The following HTT variants were observed in gnomAD, a reference collection of about 807,000 sequenced individuals.
The protein encoded by HTT is huntingtin.
In HTT, 104 loss-of-function variants were observed where a neutral mutation model predicts 362.3. That is an observed-to-expected ratio of 0.29 (90% CI 0.24 to 0.34). The LOEUF is 0.34. Among genes scored for constraint, HTT ranks in the 10% least tolerant of loss-of-function variants. HTT has a pLI of 1.00. For synonymous variants in HTT, 1,577 were observed against 1,548.7 expected (o/e 1.02, Z -0.43); for missense variants, 3,301 against 3,928.6 (o/e 0.84, Z 4.27).
At chr4:3,152,837 A>G (rs1467666003) in intron 26 of HTT, among the ~76,000 whole-genome samples, 1 of 135,604 alleles carries the variant, frequency 7.4e-6, no homozygotes, top group African/African-American at 2.8e-5. Context: ...TTTTTTTAGT[A>G]GAGATGGGTT....
At chr4:3,118,617 G>C (rs1715143031) in intron 8 of HTT, among the ~76,000 whole-genome samples, 1 of 152,240 alleles carries the variant, frequency 6.6e-6, no homozygotes, top group African/African-American at 2.4e-5. Flanking sequence ...CTTTCTCATA[G>C]ATTAGCAAGA....
intron 11 of HTT, 61 bp downstream of exon 11, chr4:3,125,690 C>T (rs1412301926): frequency 1.8e-5 from 23 of 1,246,166 alleles, no homozygotes; most frequent in Non-Finnish European, 2.5e-5. Context: ...ACCCCTTGCC[C>T]TTCCTGCTCG....
intron 40 of HTT, among the ~76,000 whole-genome samples, chr4:3,193,812 A>G (rs1468836101): frequency 6.6e-6 from 1 of 152,234 alleles, no homozygotes; most frequent in Non-Finnish European, 1.5e-5. Context: ...TGTATGAGAC[A>G]GTGCAGGTCT....
At chr4:3,148,273 G>A in intron 26 of HTT, 66 bp downstream of exon 26, 2 of 1,178,822 alleles carry the variant, frequency 1.7e-6, no homozygotes, top group South Asian at 3.2e-5. Flanking sequence ...GACTACCTTT[G>A]TTTAGTAATC....
Position 3,241,576 on chromosome 4 carries a change from G to A in HTT, c.*1517G>A, listed in dbSNP as rs1015627667. The A allele has an allele frequency of 3.3e-5, 5 of 152,320 alleles. No homozygotes were observed. Among genetic ancestry groups the A allele is most frequent in the African/African-American group, 4.8e-5 (2 of 41,470 alleles). 9.4% of individuals were successfully genotyped at this position (152,320 alleles called of 1,614,324 possible). ...AGGTTGGCGACTGTCATGTGGCTTG[G>A]TTTGGTCATGCCCGTCGATGTTTTG... On this transcript the variant is annotated 3_prime_UTR_variant, in exon 67 of 67. Transcript: ENST00000355072.
chr4:3,180,476 C>T, intron 35 of HTT, 39 bp from the exon 36 acceptor site: 4 of 1,505,132 alleles, frequency 2.7e-6, no homozygotes, highest in South Asian at 1.4e-5. Context: ...ATGTAATTTC[C>T]ATGAAATGCC....
chr4:3,111,390 C>T (rs555403440), intron 6 of HTT, among the ~76,000 whole-genome samples: 16 of 152,218 alleles, frequency 1.1e-4, no homozygotes, highest in East Asian at 3.9e-4. Context: ...GCCAGAGTTT[C>T]ACCATGTTGG....
At chr4:3,209,784 A>G (rs1388456112) in intron 46 of HTT, 43 bp from the exon 47 acceptor site, 1 of 1,608,052 alleles carries the variant, frequency 6.2e-7, no homozygotes, top group East Asian at 2.2e-5. Flanking sequence ...GTCCCCTTGA[A>G]CGCCGCCCAT....
chr4:3,139,805 C>T (rs1275105496), intron 21 of HTT, among the ~76,000 whole-genome samples: 4 of 152,224 alleles, frequency 2.6e-5, no homozygotes, highest in Admixed American at 1.3e-4. Flanking sequence ...ATGCAGCTGG[C>T]ATTCAGACCT....
intron 4 of HTT, 28 bp from the exon 5 acceptor site, chr4:3,105,329 T>C (rs369878463): frequency 6.6e-7 from 1 of 1,526,068 alleles, no homozygotes; most frequent in Non-Finnish European, 9.1e-7. Flanking sequence ...ATGTGACTCT[T>C]AATGCAACCC....
chr4:3,190,460 G>A (rs1411114815), intron 40 of HTT, among the ~76,000 whole-genome samples: 1 of 151,872 alleles, frequency 6.6e-6, no homozygotes, highest in Non-Finnish European at 1.5e-5. Flanking sequence ...GTGAAGGTTG[G>A]GCATGGTAGC....
At chr4:3,196,217 A>G (rs1207575746) in intron 40 of HTT, among the ~76,000 whole-genome samples, 2 of 152,034 alleles carry the variant, frequency 1.3e-5, no homozygotes, top group East Asian at 1.9e-4. Flanking sequence ...CCGCAGAGAG[A>G]GTGATGAATC....
intron 6 of HTT, among the ~76,000 whole-genome samples, chr4:3,113,487 G>A (rs565263560): frequency 6.6e-6 from 1 of 152,120 alleles, no homozygotes; most frequent in African/African-American, 2.4e-5. Flanking sequence ...GTACCACCAT[G>A]CCTGGCTAAT....
chr4:3,164,732 A>G (rs1553916397), intron 29 of HTT, among the ~76,000 whole-genome samples: 1 of 152,046 alleles, frequency 6.6e-6, no homozygotes, highest in Non-Finnish European at 1.5e-5. Flanking sequence ...ATCAGAGACT[A>G]GGATTGCAAT....
At chr4:3,205,650 G>A (rs2110268474) in intron 42 of HTT, among the ~76,000 whole-genome samples, 1 of 152,228 alleles carries the variant, frequency 6.6e-6, no homozygotes, top group South Asian at 2.1e-4. Context: ...CAAAGGAAAT[G>A]TTCATTGGAA....
At chr4:3,170,182 GATCTTCTTGAGC>G (rs1717907128) in intron 29 of HTT, among the ~76,000 whole-genome samples, 1 of 152,098 alleles carries the variant, frequency 6.6e-6, no homozygotes, top group Admixed American at 6.6e-5. Context: ...TGTTCCCATA[GATCTTCTTGAGC>G]TTTGTTCTGA....
chr4:3,121,892 T>TA (rs1293142496), intron 9 of HTT, among the ~76,000 whole-genome samples: 1 of 151,952 alleles, frequency 6.6e-6, no homozygotes, highest in Admixed American at 6.6e-5. Context: ...ATAAGAGAAT[T>TA]AAAGTTTAGC....
chr4:3,172,676 A>G (rs1002818454), intron 30 of HTT, among the ~76,000 whole-genome samples: 3 of 152,198 alleles, frequency 2.0e-5, no homozygotes, highest in Non-Finnish European at 2.9e-5. Flanking sequence ...TCTGTTTAGA[A>G]TGCTCAATCT....
chr4:3,128,653 C>A (rs1175281177), intron 12 of HTT: 1 of 151,788 alleles, frequency 6.6e-6, no homozygotes, highest in Non-Finnish European at 1.5e-5. Context: ...GGTTTAAGCA[C>A]TTCTCATCTC....
Sources: gnomAD v4.1 joint callset for allele counts (sites outside exome capture counted in the v4.1 genomes callset) on GRCh38, gnomAD v4.1.1 for gene constraint, MANE v1.5 for transcripts, NCBI Gene and HGNC (gene_info 2026-07-23, HGNC 2026-07-21) for gene names.